The following PM20D2 variants were observed in gnomAD, a reference collection of about 807,000 sequenced individuals.
PM20D2 encodes peptidase M20 domain containing 2, also known as xaa-Arg dipeptidase.
PM20D2 carries 33 observed loss-of-function variants against 42.9 expected under a neutral mutation model. That is an observed-to-expected ratio of 0.77 (90% CI 0.58 to 1.03). The LOEUF (loss-of-function observed/expected upper bound fraction) is 1.03, where lower values mean the gene tolerates loss of function less well. Among genes scored for constraint, PM20D2 ranks in the 50% least tolerant of loss-of-function variants. PM20D2 has a pLI of 0.00. For synonymous variants in PM20D2, 250 were observed against 228.2 expected (o/e 1.10, Z -0.86); for missense variants, 548 against 557.0 (o/e 0.98, Z 0.16).
chr6:89,108,511 C>T, the PM20D2 span, among the ~76,000 whole-genome samples: 1 of 152,216 alleles, frequency 6.6e-6, no homozygotes, highest in East Asian at 1.9e-4. Context: ...TTAACCACTA[C>T]ACCCTACTGC....
intron 4 of PM20D2, among the ~76,000 whole-genome samples, 157 bp from the exon 5 acceptor site, chr6:89,158,161 ATCTTTTT>A (rs1393564871): frequency 6.6e-6 from 1 of 152,192 alleles, no homozygotes; most frequent in Non-Finnish European, 1.5e-5. Flanking sequence ...TAGAAAATAA[ATCTTTTT>A]TCTTTTTTAA....
the PM20D2 span, among the ~76,000 whole-genome samples, chr6:89,127,530 G>A: frequency 7.9e-5 from 12 of 152,044 alleles, no homozygotes; most frequent in Admixed American, 7.2e-4. Context: ...GTTTCACCAT[G>A]TTGCCCAGGC....
intron 1 of PM20D2, among the ~76,000 whole-genome samples, chr6:89,146,935 CTG>C (rs919165231): frequency 1.3e-5 from 2 of 152,218 alleles, no homozygotes; most frequent in Non-Finnish European, 2.9e-5. Flanking sequence ...TTTTTGGTAA[CTG>C]AGAGAGGCAA....
At chr6:89,124,733 G>GTTTTTTTT in the PM20D2 span, among the ~76,000 whole-genome samples, 573 of 79,468 alleles carry the variant, frequency 7.2e-3, 41 homozygotes, top group South Asian at 0.013. Context: ...TGTTGCTGTT[G>GTTTTTTTT]TTGTTTTTTT....
At chr6:89,146,778 C>A (rs1432886194) in intron 1 of PM20D2, among the ~76,000 whole-genome samples, 169 bp downstream of exon 1, 1 of 152,236 alleles carries the variant, frequency 6.6e-6, no homozygotes, top group East Asian at 1.9e-4. Context: ...AGGAGCAGAG[C>A]TGAACCCCCA....
At chr6:89,098,184 T>TTATA in the PM20D2 span, 6 of 158,560 alleles carry the variant, frequency 3.8e-5, no homozygotes, top group Non-Finnish European at 8.3e-5. Context: ...CTCTATGCAA[T>TTATA]TATACAGTCA....
At chr6:89,155,878 A>ATTT (rs11371350) in intron 4 of PM20D2, among the ~76,000 whole-genome samples, 3 of 143,300 alleles carry the variant, frequency 2.1e-5, no homozygotes, top group Non-Finnish European at 3.0e-5. Context: ...CACCTGGCTA[A>ATTT]TTTTTTTTTT....
At chr6:89,123,627 C>T in the PM20D2 span, among the ~76,000 whole-genome samples, 1 of 139,506 alleles carries the variant, frequency 7.2e-6, no homozygotes, top group Non-Finnish European at 1.5e-5. Context: ...GAGGCTGGAG[C>T]ACAAGAATCT....
At chr6:89,111,307 T>C in the PM20D2 span, among the ~76,000 whole-genome samples, 1 of 152,226 alleles carries the variant, frequency 6.6e-6, no homozygotes, top group Admixed American at 6.5e-5. Context: ...GGTTTTGTTA[T>C]GCTAGCTTTT....
At chr6:89,124,886 C>T in the PM20D2 span, among the ~76,000 whole-genome samples, 1 of 151,664 alleles carries the variant, frequency 6.6e-6, no homozygotes. Flanking sequence ...CAAGTGTGTA[C>T]CACCATGCCC....
At chr6:89,117,996 C>A in the PM20D2 span, 1 of 1,231,840 alleles carries the variant, frequency 8.1e-7, no homozygotes, top group Non-Finnish European at 1.1e-6. Context: ...GGCGCGACCC[C>A]CACCCCTCGG....
At position 89,154,935 on chromosome 6, in the gene PM20D2, A is replaced by C. The variant is rs760611982; in HGVS notation, c.912+33A>C. 5.9e-6 allele frequency: 9 copies of C among 1,534,566 alleles called. 1 individual carries two copies. In the South Asian group the frequency reaches 8.9e-5, roughly 15 times the overall value. ...CTTTTAAAAGTTAATCTAAGTTACA[A>C]TCAGAGGTATATATGTGGGCTAGCA... is the stretch of plus-strand genomic sequence containing the variant. On this transcript the variant is annotated intron_variant, in intron 4 of 6. Transcript: ENST00000275072.
upstream of PM20D2, among the ~76,000 whole-genome samples, chr6:89,141,437 C>T (rs955960787): frequency 6.6e-6 from 1 of 151,982 alleles, no homozygotes; most frequent in Non-Finnish European, 1.5e-5. Context: ...ACAATCTTGG[C>T]TCACTGCAAC....
At chr6:89,124,095 G>A in the PM20D2 span, among the ~76,000 whole-genome samples, 68 of 152,260 alleles carry the variant, frequency 4.5e-4, no homozygotes, top group African/African-American at 1.5e-3. Context: ...TTTTGTCTGC[G>A]CAGGCTCCAA....
At chr6:89,095,613 T>C in the PM20D2 span, among the ~76,000 whole-genome samples, 56 of 152,376 alleles carry the variant, frequency 3.7e-4, no homozygotes, top group Non-Finnish European at 5.1e-4. Flanking sequence ...CAGCATGTCT[T>C]AGAACAGTTA....
the PM20D2 span, chr6:89,105,302 T>C: frequency 3.8e-6 from 6 of 1,581,904 alleles, no homozygotes; most frequent in Non-Finnish European, 5.2e-6. Flanking sequence ...ATTCGTTACC[T>C]GAACACCACA....
At chr6:89,157,576 ATGTCAG>A (rs1181485294) in intron 4 of PM20D2, among the ~76,000 whole-genome samples, 1 of 152,198 alleles carries the variant, frequency 6.6e-6, no homozygotes, top group Non-Finnish European at 1.5e-5. Flanking sequence ...CCAGGCAGTG[ATGTCAG>A]TGTCAGTTTG....
the PM20D2 span, among the ~76,000 whole-genome samples, chr6:89,112,769 C>T: frequency 2.6e-5 from 4 of 152,106 alleles, no homozygotes; most frequent in African/African-American, 9.7e-5. Flanking sequence ...TATAGTTATG[C>T]ACCACATAAC....
At chr6:89,117,975 C>T in the PM20D2 span, 2 of 1,400,876 alleles carry the variant, frequency 1.4e-6, no homozygotes, top group Non-Finnish European at 1.9e-6. Flanking sequence ...ACAGGAGCTC[C>T]GCCGGCCCCC....
Sources: gnomAD v4.1 joint callset for allele counts (sites outside exome capture counted in the v4.1 genomes callset) on GRCh38, gnomAD v4.1.1 for gene constraint, MANE v1.5 for transcripts, NCBI Gene and HGNC (gene_info 2026-07-23, HGNC 2026-07-21) for gene names.